The following GRM8 variants were observed in gnomAD, a reference collection of about 807,000 sequenced individuals.
GRM8 encodes the protein glutamate metabotropic receptor 8.
GRM8 carries 47 observed loss-of-function variants against 87.2 expected under a neutral mutation model. The ratio of observed to expected loss-of-function variants is 0.54; its 90% confidence interval spans 0.43 to 0.69. The LOEUF is 0.69. Among genes scored for constraint, GRM8 ranks in the 30% least tolerant of loss-of-function variants. GRM8 has a pLI of 0.00. For missense variants in GRM8, 1,019 were observed against 1,139.2 expected, an observed-to-expected ratio of 0.89 and a Z score of 1.52; for synonymous variants, 396 against 404.5, an observed-to-expected ratio of 0.98 and a Z score of 0.25.
intron 7 of GRM8, among the ~76,000 whole-genome samples, chr7:126,649,199 T>G (rs1449024445): frequency 6.6e-6 from 1 of 152,186 alleles, no homozygotes; most frequent in Non-Finnish European, 1.5e-5. Flanking sequence ...ATGCAAGGTA[T>G]TGACTCTGGG....
intron 2 of GRM8, among the ~76,000 whole-genome samples, chr7:127,157,529 A>T (rs1409050579): frequency 6.6e-6 from 1 of 152,182 alleles, no homozygotes; most frequent in East Asian, 1.9e-4. Flanking sequence ...TTAAAAAACA[A>T]ATTTATGATA....
chr7:127,197,674 A>T (rs1239889886), intron 2 of GRM8, among the ~76,000 whole-genome samples: 1 of 152,182 alleles, frequency 6.6e-6, no homozygotes, highest in Admixed American at 6.5e-5. Flanking sequence ...TAAACAAACC[A>T]GGGATTTCTT....
At chr7:126,732,022 A>C (rs1813654600) in intron 7 of GRM8, among the ~76,000 whole-genome samples, 1 of 152,062 alleles carries the variant, frequency 6.6e-6, no homozygotes, top group African/African-American at 2.4e-5. Context: ...AAAAACTGGA[A>C]TATGGAAAGC....
At chr7:126,506,065 C>A (rs889132682) in intron 9 of GRM8, among the ~76,000 whole-genome samples, 106 of 152,166 alleles carry the variant, frequency 7.0e-4, no homozygotes, top group African/African-American at 2.5e-3. Context: ...TTTTCTATTC[C>A]ACATATAAGT....
At chr7:127,241,426 C>CT (rs566986158) in intron 2 of GRM8, among the ~76,000 whole-genome samples, 15 of 145,000 alleles carry the variant, frequency 1.0e-4, no homozygotes, top group East Asian at 4.0e-4. Flanking sequence ...TGCATAGGAC[C>CT]TTTTTTTTTT....
At chr7:126,876,713 C>T (rs748696514) in intron 6 of GRM8, among the ~76,000 whole-genome samples, 4 of 152,140 alleles carry the variant, frequency 2.6e-5, no homozygotes, top group Non-Finnish European at 5.9e-5. Context: ...TGTTTGTATT[C>T]TTTCAGCTAG....
rs114962919 is a variant in GRM8 at position 126,942,246 on chromosome 7, C to T, written c.728-37563G>A. Among the ~76,000 whole-genome samples, 1,094 of 152,258 alleles carry T rather than the reference C, an allele frequency of 7.2e-3. 14 individuals carry two copies. Among genetic ancestry groups the T allele is most frequent in the African/African-American group, 0.024 (1,017 of 41,554 alleles). ...CTATTTTTTAAGTGTCAAAACTGCC[C>T]GATAATGAAATACTTGCCGTGTGGT... is the stretch of plus-strand genomic sequence containing the variant. On this transcript the variant is annotated intron_variant, in intron 3 of 10. Transcript: ENST00000339582.
rs549722594 is a variant in GRM8, at chr7:127,198,395, G to A, written c.510+44300C>T. Among the ~76,000 whole-genome samples, 6 of 152,310 alleles carry A rather than the reference G, an allele frequency of 3.9e-5. No homozygotes were observed. In the East Asian group the frequency reaches 9.7e-4, roughly 25 times the overall value. On this transcript the variant is annotated intron_variant, in intron 2 of 10. Coordinates refer to ENST00000339582, the MANE Select transcript of GRM8 (RefSeq NM_000845.3). ...AAATCTGCTCTGTGGCCTTAGTCAA[G>A]TTACTGAACTCACCTGAGCGAGTTT...
intron 3 of GRM8, among the ~76,000 whole-genome samples, chr7:126,991,750 C>T (rs1378172410): frequency 1.3e-5 from 2 of 152,040 alleles, no homozygotes; most frequent in African/African-American, 4.8e-5. Flanking sequence ...TTTAAAATCT[C>T]ATTATGTTAG....
chr7:127,112,829 C>G (rs1050858294), intron 2 of GRM8, among the ~76,000 whole-genome samples: 7 of 152,226 alleles, frequency 4.6e-5, no homozygotes, highest in Non-Finnish European at 8.8e-5. Flanking sequence ...AACTTCATAA[C>G]TACCTTGGCA....
intron 9 of GRM8, among the ~76,000 whole-genome samples, chr7:126,457,608 G>A (rs988765057): frequency 2.6e-5 from 4 of 151,164 alleles, no homozygotes; most frequent in African/African-American, 9.7e-5. Flanking sequence ...TCACTCATAA[G>A]TCAAAAGAAA....
chr7:126,976,005 G>A, intron 3 of GRM8, among the ~76,000 whole-genome samples: 1 of 152,068 alleles, frequency 6.6e-6, no homozygotes, highest in South Asian at 2.1e-4. Context: ...CATGAAATCA[G>A]GGACTGCCAA....
chr7:126,477,470 G>A (rs1339710907), intron 9 of GRM8, among the ~76,000 whole-genome samples: 1 of 151,770 alleles, frequency 6.6e-6, no homozygotes, highest in Non-Finnish European at 1.5e-5. Flanking sequence ...GTGTATACAT[G>A]TATGAAATCA....
At chr7:126,864,057 G>C (rs1380737875) in intron 6 of GRM8, among the ~76,000 whole-genome samples, 3 of 90,668 alleles carry the variant, frequency 3.3e-5, no homozygotes, top group African/African-American at 1.3e-4. Flanking sequence ...TTTTTGTAGA[G>C]ACAAAGTCTT....
At chr7:127,162,911 T>C (rs1475897087) in intron 2 of GRM8, among the ~76,000 whole-genome samples, 1 of 152,176 alleles carries the variant, frequency 6.6e-6, no homozygotes, top group Non-Finnish European at 1.5e-5. Flanking sequence ...AGGGCTTTCT[T>C]AACCAAAATA....
chr7:127,118,584 T>C (rs1826841388), intron 2 of GRM8, among the ~76,000 whole-genome samples: 1 of 152,224 alleles, frequency 6.6e-6, no homozygotes, highest in Non-Finnish European at 1.5e-5. Context: ...ACATGTTATA[T>C]TGGCCAAGAA....
chr7:127,135,458 T>A (rs1407320525), intron 2 of GRM8, among the ~76,000 whole-genome samples: 1 of 151,864 alleles, frequency 6.6e-6, no homozygotes, highest in African/African-American at 2.4e-5. Flanking sequence ...TAATTCCAAC[T>A]GATCTTTCCC....
At chr7:127,083,828 A>T (rs1823141474) in intron 3 of GRM8, among the ~76,000 whole-genome samples, 1 of 152,192 alleles carries the variant, frequency 6.6e-6, no homozygotes, top group East Asian at 1.9e-4. Flanking sequence ...AAAATAAAGT[A>T]CCTTCATCCC....
intron 3 of GRM8, among the ~76,000 whole-genome samples, chr7:127,035,819 T>C (rs1817793406): frequency 6.6e-6 from 1 of 152,220 alleles, no homozygotes; most frequent in Non-Finnish European, 1.5e-5. Context: ...CCCATCCCCA[T>C]ACTGCTTCCC....
Sources: allele counts gnomAD v4.1 joint callset (sites outside exome capture counted in the v4.1 genomes callset), GRCh38; gene constraint gnomAD v4.1.1; transcripts MANE v1.5; gene names NCBI Gene and HGNC (gene_info 2026-07-23, HGNC 2026-07-21).